The following NFILZ variants were observed in gnomAD, a reference collection of about 807,000 sequenced individuals.
NFILZ encodes the protein NFIL3 like basic leucine zipper.
intron 3 of NFILZ, among the ~76,000 whole-genome samples, chr19:8,661,570 CA>C (rs1328946214): frequency 1.3e-5 from 2 of 152,210 alleles, no homozygotes; most frequent in Non-Finnish European, 2.9e-5. Context: ...TCATACTCCA[CA>C]AATATCTGCA....
chr19:8,665,394 G>T (rs1198767715), intron 3 of NFILZ, among the ~76,000 whole-genome samples: 1 of 152,162 alleles, frequency 6.6e-6, no homozygotes, highest in African/African-American at 2.4e-5. Flanking sequence ...GGCTAAGGGG[G>T]TACTAAGGCC....
rs1373275859 is a variant in NFILZ at position 8,677,628 on chromosome 19, C to T, written c.863C>T (p.Pro288Leu). Residue 288 changes from proline to leucine, a missense_variant, in exon 6 of 6, where the codon CCC (proline) becomes CTC (leucine). By Grantham distance (98) the Pro-to-Leu change is moderately conservative. Transcript: ENST00000691075. ...VPRGWEGGQA[P>L]L ...CGTGGCTGGGAGGGTGGTCAGGCGCCCCTCTGAGGGCTTCCTCTGGGAAGG... is the reference window on the plus strand; with the variant it reads ...CGTGGCTGGGAGGGTGGTCAGGCGCTCCTCTGAGGGCTTCCTCTGGGAAGG... 1 of 152,418 alleles carries T rather than the reference C, an allele frequency of 6.6e-6. No individual in the cohort carries two copies. The highest frequency in any genetic ancestry group is 1.9e-4 in the East Asian group (1 of 5,166). The allele number at this position is 152,418 out of a possible 1,614,324, so 9.4% of individuals were successfully genotyped here. A position where few individuals can be genotyped will look rare whatever the true frequency, so the allele number is the denominator to read the frequency against.
chr19:8,664,805 C>T (rs532157630), intron 3 of NFILZ, among the ~76,000 whole-genome samples: 5 of 152,086 alleles, frequency 3.3e-5, no homozygotes, highest in African/African-American at 1.2e-4. Flanking sequence ...TCATCTCAGG[C>T]CCCCCAAGTC....
Position 8,678,179 on chromosome 19 carries a change from A to T in NFILZ, c.*544A>T, listed in dbSNP as rs371104091. Among the ~76,000 whole-genome samples, 42 of 20,938 alleles carry T rather than the reference A, an allele frequency of 2.0e-3. No individual in the cohort carries two copies. The highest frequency in any genetic ancestry group is 5.2e-3 in the Admixed American group (9 of 1,716). 13.7% of individuals were successfully genotyped at this position (20,938 alleles called of 152,430 possible). A position where few individuals can be genotyped will look rare whatever the true frequency, so the allele number is the denominator to read the frequency against. Reference sequence around the variant, plus strand: ...CATCCATCCATCCATCCATCCATCCATCCATCCATCCGTCCATCTATCCAT... The same window carrying T: ...CATCCATCCATCCATCCATCCATCCTTCCATCCATCCGTCCATCTATCCAT... On this transcript the variant is annotated 3_prime_UTR_variant, in exon 6 of 6. Coordinates refer to ENST00000691075, the MANE Select transcript of NFILZ (RefSeq NM_001378600.1).
Position 8,656,404 on chromosome 19 carries a change from T to C in NFILZ, c.-163-18147T>C, listed in dbSNP as rs76732610. 9.5e-3 allele frequency among the ~76,000 whole-genome samples: 950 copies of C among 99,596 alleles called. 14 individuals carry two copies. The highest frequency in any genetic ancestry group is 0.021 in the Middle Eastern group (4 of 188). 65.3% of individuals were successfully genotyped at this position (99,596 alleles called of 152,430 possible). ...GCCCACCTTCTCCCGCAGCCCACCT[T>C]CTCTCTGAAACCCACCTCTTTCCGC... On this transcript the variant is annotated intron_variant, in intron 3 of 5. Transcript: ENST00000691075.
intron 3 of NFILZ, among the ~76,000 whole-genome samples, chr19:8,671,092 G>T (rs1874522696): frequency 6.6e-6 from 1 of 152,134 alleles, no homozygotes. Flanking sequence ...GACTTTAGAG[G>T]GGATGAGCTC....
chr19:8,656,217 C>CTACCTTCTCCCTG (rs2042991957), intron 3 of NFILZ, among the ~76,000 whole-genome samples: 1 of 139,570 alleles, frequency 7.2e-6, no homozygotes, highest in Non-Finnish European at 1.6e-5. Context: ...TCCCTGCAGC[C>CTACCTTCTCCCTG]CACCTTCTCC....
chr19:8,654,774 T>C (rs1389130822), intron 3 of NFILZ, among the ~76,000 whole-genome samples: 5 of 152,184 alleles, frequency 3.3e-5, no homozygotes, highest in Non-Finnish European at 7.3e-5. Context: ...TCAGCGACTC[T>C]GCAGGGTGAA....
At chr19:8,672,628 A>AAAAAAATCCATGCATTTATTATTTTATTC (rs2043093633) in intron 3 of NFILZ, among the ~76,000 whole-genome samples, 2 of 31,978 alleles carry the variant, frequency 6.3e-5, no homozygotes, top group Admixed American at 8.7e-4. Flanking sequence ...TAGTTTATTC[A>AAAAAAATCCATGCATTTATTATTTTATTC]AAAAAAATCC....
intron 3 of NFILZ, among the ~76,000 whole-genome samples, chr19:8,663,740 G>GTGTGTGTATGTGTGTGTA (rs2043046053): frequency 2.0e-4 from 26 of 131,646 alleles, no homozygotes; most frequent in Non-Finnish European, 3.0e-4. Flanking sequence ...GTGTGTGTGT[G>GTGTGTGTATGTGTGTGTA]TGTGTGTGTG....
At chr19:8,672,415 G>A (rs78949698) in intron 3 of NFILZ, among the ~76,000 whole-genome samples, 2 of 147,940 alleles carry the variant, frequency 1.4e-5, no homozygotes, top group African/African-American at 2.5e-5. Context: ...ATGCATTTAT[G>A]AGTTAATTCA....
chr19:8,643,517 G>A (rs1191131234), intron 3 of NFILZ, among the ~76,000 whole-genome samples: 1 of 152,192 alleles, frequency 6.6e-6, no homozygotes, highest in Non-Finnish European at 1.5e-5. Context: ...ACTGAGAAAA[G>A]CAGATGGTGC....
In NFILZ at chr19:8,680,130, A is replaced by T. The variant is rs1254760361; in HGVS notation, c.*2495A>T. ...AAAATCACTTGAACCCAGGAGGTGGAGGCTGCAGCGAGCTGAGATTGCACC... is the reference window on the plus strand; with the variant it reads ...AAAATCACTTGAACCCAGGAGGTGGTGGCTGCAGCGAGCTGAGATTGCACC... On this transcript the variant is annotated 3_prime_UTR_variant, in exon 6 of 6. Transcript: ENST00000691075. Among the ~76,000 whole-genome samples the T allele has an allele frequency of 7.1e-6, 1 of 141,658 alleles. No individual in the cohort carries two copies. Among genetic ancestry groups the T allele is most frequent in the African/African-American group, 2.6e-5 (1 of 38,186 alleles). The allele number at this position is 141,658 out of a possible 152,430, so 92.9% of individuals were successfully genotyped here. A position where few individuals can be genotyped will look rare whatever the true frequency, so the allele number is the denominator to read the frequency against.
At chr19:8,649,122 C>T (rs1251198116) in intron 3 of NFILZ, among the ~76,000 whole-genome samples, 1 of 151,860 alleles carries the variant, frequency 6.6e-6, no homozygotes, top group Non-Finnish European at 1.5e-5. Flanking sequence ...ACCACCACAC[C>T]TGGCTGACTT....
intron 3 of NFILZ, among the ~76,000 whole-genome samples, chr19:8,654,251 C>A (rs1166363089): frequency 2.0e-5 from 3 of 148,332 alleles, no homozygotes; most frequent in Non-Finnish European, 4.5e-5. Context: ...CAAACAAAAA[C>A]AAACAAACAA....
intron 3 of NFILZ, among the ~76,000 whole-genome samples, chr19:8,657,246 A>C (rs1442090177): frequency 6.6e-6 from 1 of 151,136 alleles, no homozygotes; most frequent in Non-Finnish European, 1.5e-5. Flanking sequence ...AGCTGGGGTT[A>C]CAGGCACGCG....
chr19:8,661,022 TCCCTCCCTCTCCCTCCCTTCCGTCCCCC>T (rs2043028046), intron 3 of NFILZ, among the ~76,000 whole-genome samples: 1 of 99,630 alleles, frequency 1.0e-5, no homozygotes. Flanking sequence ...CTTTCTTTCC[TCCCTCCCTCTCCCTCCCTTCCGTCCCCC>T]TCCCTCCCTT....
intron 3 of NFILZ, among the ~76,000 whole-genome samples, chr19:8,654,961 T>C (rs1357915400): frequency 2.0e-5 from 3 of 152,162 alleles, no homozygotes; most frequent in African/African-American, 7.2e-5. Context: ...TTCCTCCACT[T>C]CCTGTTGGGT....
intron 1 of NFILZ, among the ~76,000 whole-genome samples, chr19:8,631,953 TC>T (rs1160358923): frequency 6.6e-6 from 1 of 151,778 alleles, no homozygotes; most frequent in Non-Finnish European, 1.5e-5. Flanking sequence ...CACTGCAACC[TC>T]TGCCTCCCGG....
Sources: gnomAD v4.1 joint callset for allele counts (sites outside exome capture counted in the v4.1 genomes callset) on GRCh38, gnomAD v4.1.1 for gene constraint, MANE v1.5 for transcripts, NCBI Gene and HGNC (gene_info 2026-07-23, HGNC 2026-07-21) for gene names.